WWOX: variants seen among roughly 807,000 people sequenced by gnomAD.
WWOX encodes the protein WW domain-containing oxidoreductase.
WWOX carries 69 observed loss-of-function variants against 46.2 expected under a neutral mutation model. The observed-to-expected ratio is 1.49, with a 90% CI of 1.23 to 1.82. WWOX has a LOEUF of 1.82. Ranked by LOEUF, WWOX falls within the 40% of genes most tolerant of loss-of-function variation. WWOX has a pLI of 0.00. For missense variants in WWOX, 919 were observed against 542.6 expected (o/e 1.69, Z -6.89); for synonymous variants, 359 against 202.6 (o/e 1.77, Z -6.56).
chr16:78,327,041 C>T (rs2080639815), intron 5 of WWOX, among the ~76,000 whole-genome samples: 1 of 152,162 alleles, frequency 6.6e-6, no homozygotes, highest in African/African-American at 2.4e-5. Flanking sequence ...CCTCGATCCT[C>T]AGCACTGCGC....
intron 8 of WWOX, among the ~76,000 whole-genome samples, chr16:78,712,758 TATG>T (rs950334703): frequency 1.3e-5 from 2 of 152,176 alleles, no homozygotes; most frequent in Admixed American, 1.3e-4. Flanking sequence ...AGTGAAATGA[TATG>T]ATAACTAAGA....
At chr16:79,137,580 CTGT>C (rs2050006823) in intron 8 of WWOX, among the ~76,000 whole-genome samples, 2 of 152,164 alleles carry the variant, frequency 1.3e-5, no homozygotes, top group African/African-American at 4.8e-5. Context: ...TGTCTGTTAG[CTGT>C]TTGTTTTGAA....
intron 8 of WWOX, chr16:79,016,733 G>GTTTCTGT (rs2047421000): frequency 6.6e-6 from 1 of 152,136 alleles, no homozygotes; most frequent in South Asian, 2.1e-4. Context: ...AGGAACTCCT[G>GTTTCTGT]TTTCTGTTTT....
chr16:79,172,417 T>C (rs1000092837), intron 8 of WWOX, among the ~76,000 whole-genome samples: 4 of 152,174 alleles, frequency 2.6e-5, no homozygotes, highest in African/African-American at 9.7e-5. Flanking sequence ...CTTGTGTTTC[T>C]GCTCTGGGCT....
intron 8 of WWOX, among the ~76,000 whole-genome samples, chr16:79,157,726 G>T (rs1311100093): frequency 6.6e-6 from 1 of 152,202 alleles, no homozygotes; most frequent in Non-Finnish European, 1.5e-5. Context: ...TTTACAGTTT[G>T]CAAGGGAAGG....
intron 8 of WWOX, among the ~76,000 whole-genome samples, chr16:79,210,465 C>T (rs908706155): frequency 8.5e-5 from 13 of 152,100 alleles, no homozygotes; most frequent in African/African-American, 1.9e-4. Context: ...AGCTTTGGGT[C>T]GGGTCGGAAA....
chr16:78,109,679 G>T, intron 2 of WWOX, 99 bp from the exon 3 acceptor site: 1 of 1,229,764 alleles, frequency 8.1e-7, no homozygotes, highest in Non-Finnish European at 1.2e-6. Context: ...GGGAGGGACA[G>T]GCTTGGGGGC....
intron 8 of WWOX, among the ~76,000 whole-genome samples, chr16:78,719,701 A>G (rs1247341381): frequency 6.6e-6 from 1 of 152,222 alleles, no homozygotes; most frequent in African/African-American, 2.4e-5. Flanking sequence ...TCTGAAATGT[A>G]TTAGTAACAT....
At chr16:78,327,010 A>T (rs2080638898) in intron 5 of WWOX, among the ~76,000 whole-genome samples, 1 of 152,034 alleles carries the variant, frequency 6.6e-6, no homozygotes, top group South Asian at 2.1e-4. Context: ...AATACCATCA[A>T]TTAATAGTCA....
chr16:78,412,137 G>C (rs1207181396), intron 6 of WWOX, among the ~76,000 whole-genome samples: 1 of 152,120 alleles, frequency 6.6e-6, no homozygotes, highest in Non-Finnish European at 1.5e-5. Context: ...TATTTTAGGG[G>C]TTCCTAATGA....
intron 8 of WWOX, among the ~76,000 whole-genome samples, chr16:78,716,345 T>C (rs570480985): frequency 1.3e-5 from 2 of 152,222 alleles, no homozygotes; most frequent in South Asian, 2.1e-4. Context: ...CACCTTGATT[T>C]CAGACTTCTG....
At chr16:78,303,920 G>A (rs149653165) in intron 5 of WWOX, among the ~76,000 whole-genome samples, 35 of 152,298 alleles carry the variant, frequency 2.3e-4, no homozygotes, top group African/African-American at 7.2e-4. Flanking sequence ...GAGCCAAGCC[G>A]TCAGCTATTG....
chr16:78,795,901 A>G (rs998964841), intron 8 of WWOX, among the ~76,000 whole-genome samples: 2 of 152,192 alleles, frequency 1.3e-5, no homozygotes, highest in Non-Finnish European at 2.9e-5. Context: ...AGTGGAAACA[A>G]AAGTATAAGG....
chr16:79,161,515 T>C (rs1415789309), intron 8 of WWOX, among the ~76,000 whole-genome samples: 3 of 152,068 alleles, frequency 2.0e-5, no homozygotes, highest in Admixed American at 1.3e-4. Flanking sequence ...TCTAAGTTTT[T>C]TCACTTTTTA....
chr16:78,774,409 G>T (rs953942517), intron 8 of WWOX, among the ~76,000 whole-genome samples: 1 of 152,042 alleles, frequency 6.6e-6, no homozygotes, highest in Non-Finnish European at 1.5e-5. Flanking sequence ...CAAAAAAAAA[G>T]AAAGAGTTCT....
intron 8 of WWOX, among the ~76,000 whole-genome samples, chr16:78,931,047 A>G (rs537336328): frequency 6.6e-6 from 1 of 152,328 alleles, no homozygotes; most frequent in East Asian, 1.9e-4. Flanking sequence ...TCACATGAGA[A>G]ATGCACATGA....
At chr16:78,880,915 C>G (rs1287043597) in intron 8 of WWOX, among the ~76,000 whole-genome samples, 1 of 151,708 alleles carries the variant, frequency 6.6e-6, no homozygotes, top group African/African-American at 2.4e-5. Flanking sequence ...AAGACCCTGA[C>G]TCCTGTTTTC....
chr16:79,009,077 A>C (rs2047248654), intron 8 of WWOX, among the ~76,000 whole-genome samples: 1 of 152,180 alleles, frequency 6.6e-6, no homozygotes, highest in Non-Finnish European at 1.5e-5. Flanking sequence ...GGATCCACGG[A>C]GCTGGCAGAG....
intron 8 of WWOX, among the ~76,000 whole-genome samples, chr16:78,573,146 A>G (rs2044760806): frequency 6.6e-6 from 1 of 152,100 alleles, no homozygotes; most frequent in South Asian, 2.1e-4. Flanking sequence ...TTAGCCAGGC[A>G]TGGTGGCGGG....
Sources: gnomAD v4.1 joint callset for allele counts (sites outside exome capture counted in the v4.1 genomes callset) on GRCh38, gnomAD v4.1.1 for gene constraint, MANE v1.5 for transcripts, NCBI Gene and HGNC (gene_info 2026-07-23, HGNC 2026-07-21) for gene names.